The following PLD3 variants were observed in gnomAD, a reference collection of about 807,000 sequenced individuals.
PLD3 encodes phospholipase D family member 3.
PLD3 carries 31 observed loss-of-function variants against 58.4 expected under a neutral mutation model. That is an observed-to-expected ratio of 0.53 (90% CI 0.40 to 0.72). PLD3 has a LOEUF of 0.72. Among genes scored for constraint, PLD3 ranks in the 30% least tolerant of loss-of-function variants. The pLI is 0.00. For missense variants in PLD3, 595 were observed against 659.8 expected (o/e 0.90, Z 1.08); for synonymous variants, 264 against 273.4 (o/e 0.97, Z 0.34).
In PLD3 at chr19:40,376,675, G is replaced by C; in HGVS notation, c.1086G>C (p.Leu362=). The C allele has an allele frequency of 6.2e-7, 1 of 1,606,478 alleles. No individual in the cohort carries two copies. The highest frequency in any genetic ancestry group is 1.7e-5 in the Admixed American group (1 of 60,018). Residue 362 remains leucine (L), a synonymous_variant, in exon 11 of 13, where the codon CTG becomes CTC. Coordinates refer to ENST00000409735, the MANE Select transcript of PLD3 (RefSeq NM_012268.4). Reference sequence around the variant, plus strand: ...ACGAGCGTGGCGTCAAGGTGCGCCTGCTCATCAGCTGCTGGGGACACTCGG... The same window carrying C: ...ACGAGCGTGGCGTCAAGGTGCGCCTCCTCATCAGCTGCTGGGGACACTCGG... ...ATYERGVKVR[L]LISCWGHSEP... is the part of the protein sequence containing the mutation.
chr19:40,371,997 C>A, intron 9 of PLD3, 124 bp downstream of exon 9: 1 of 766,570 alleles, frequency 1.3e-6, no homozygotes, highest in Admixed American at 2.1e-5. Context: ...CACCCCAGCT[C>A]ATTCTGCTTG....
chr19:40,362,384 T>C (rs1437235100), intron 1 of PLD3, among the ~76,000 whole-genome samples: 2 of 152,214 alleles, frequency 1.3e-5, no homozygotes, highest in Non-Finnish European at 2.9e-5. Context: ...GCACTTACTG[T>C]ATTGTCTTGC....
rs183821939 is a variant in PLD3, at chr19:40,374,473, G to A, written c.880-8G>A. The A allele has an allele frequency of 7.4e-5, 120 of 1,613,818 alleles. No homozygotes were observed. The highest frequency in any genetic ancestry group is 2.7e-4 in the East Asian group (12 of 44,878). On this transcript the variant is annotated splice_region_variant and splice_polypyrimidine_tract_variant and intron_variant, in intron 9 of 12. Coordinates refer to ENST00000409735, the MANE Select transcript of PLD3 (RefSeq NM_012268.4). ...GGGCACATGTCTTAACTGTCCCCTC[G>A]CCCTCAGAGTGCGCCCCCACCCCTG...
chr19:40,359,635 C>T (rs984292228), intron 1 of PLD3: 2 of 152,106 alleles, frequency 1.3e-5, no homozygotes, highest in African/African-American at 2.4e-5. Flanking sequence ...TAGCTAGGAG[C>T]CTGAGCCTCT....
chr19:40,372,130 T>C (rs769266907), intron 9 of PLD3, among the ~76,000 whole-genome samples: 9 of 152,146 alleles, frequency 5.9e-5, no homozygotes, highest in Non-Finnish European at 8.8e-5. Context: ...ACCAAACCTT[T>C]GGTGCTCTAT....
intron 1 of PLD3, among the ~76,000 whole-genome samples, chr19:40,350,989 G>A (rs892363741): frequency 6.6e-6 from 1 of 152,110 alleles, no homozygotes; most frequent in African/African-American, 2.4e-5. Flanking sequence ...TGTGATCACA[G>A]CACTTTGGGA....
At position 40,366,839 on chromosome 19, in the gene PLD3, C is replaced by T; in HGVS notation, c.169C>T (p.Leu57=). 1 of 1,614,072 alleles carries T rather than the reference C, an allele frequency of 6.2e-7. No individual in the cohort carries two copies. The highest frequency in any genetic ancestry group is 8.5e-7 in the Non-Finnish European group (1 of 1,179,984). ...VVGFGALMTQ[L]FLWEYGDLHL... ...GGGCTTCGGAGCCCTGATGACTCAG[C>T]TGTTTCTATGGGAATACGGCGACTT... The change falls in exon 5 of 13, where the codon CTG becomes TTG. Residue 57 remains leucine, a synonymous_variant. Coordinates refer to ENST00000409735, the MANE Select transcript of PLD3 (RefSeq NM_012268.4).
At chr19:40,360,719 G>C (rs1315976724) in intron 1 of PLD3, 3 of 151,918 alleles carry the variant, frequency 2.0e-5, no homozygotes, top group Non-Finnish European at 2.9e-5. Context: ...CCAGCTTCTA[G>C]TGGCTCCAGG....
At chr19:40,376,404 G>C (rs1329564665) in intron 10 of PLD3, 2 of 538,132 alleles carry the variant, frequency 3.7e-6, no homozygotes, top group African/African-American at 3.8e-5. Context: ...GGGTTTTGGG[G>C]AGCAGGAATG....
rs1404380809 is a variant in PLD3 at position 40,370,260 on chromosome 19, T to C, written c.678+23T>C. On this transcript the variant is annotated intron_variant, in intron 8 of 12. Transcript: ENST00000409735. ...CAGGTCTGTCTGCACCCTGTCTACC[T>C]TCCTTCCAGGCCACTCCCTGCCCCA... 5 of 1,602,892 alleles carry C rather than the reference T, an allele frequency of 3.1e-6. No homozygotes were observed. The South Asian group carries it at 5.6e-5, about 18-fold the overall frequency.
chr19:40,350,706 T>C (rs1404329867), intron 1 of PLD3, among the ~76,000 whole-genome samples: 5 of 148,850 alleles, frequency 3.4e-5, no homozygotes, highest in African/African-American at 1.2e-4. Flanking sequence ...ATCGCACCAC[T>C]GCACTCCAGC....
chr19:40,356,710 A>C lies in PLD3; in HGVS notation c.-279+7942A>C, dbSNP rs141954120. ...GAAGGAGGTATCTGGGGGGCCCTGG[A>C]ACCTCTAGAGCTGGAGTCAGGGGAA... On this transcript the variant is annotated intron_variant, in intron 1 of 12. Transcript: ENST00000409735. 6.5e-3 allele frequency: 994 copies of C among 152,714 alleles called. 6 individuals are homozygous for C. Among genetic ancestry groups the C allele is most frequent in the Admixed American group, 0.01 (160 of 15,276 alleles). 9.5% of individuals were successfully genotyped at this position (152,714 alleles called of 1,614,324 possible).
chr19:40,354,745 C>T (rs959648650), intron 1 of PLD3, among the ~76,000 whole-genome samples: 5 of 151,640 alleles, frequency 3.3e-5, no homozygotes, highest in African/African-American at 1.2e-4. Flanking sequence ...AGGCTGGTCT[C>T]GAGCTCCTGA....
In PLD3 at chr19:40,370,244, C is replaced by T; in HGVS notation, c.678+7C>T. 1 of 1,609,912 alleles carries T rather than the reference C, an allele frequency of 6.2e-7. No homozygotes were observed. Among genetic ancestry groups the T allele is most frequent in the African/African-American group, 1.3e-5 (1 of 74,950 alleles). On this transcript the variant is annotated splice_region_variant and intron_variant, in intron 8 of 12. Coordinates refer to ENST00000409735, the MANE Select transcript of PLD3 (RefSeq NM_012268.4). The stretch of plus-strand genomic sequence containing the variant: ...CTGGCGTTCACTGACCCAGGTCTGT[C>T]TGCACCCTGTCTACCTTCCTTCCAG...
At chr19:40,374,838 G>A (rs1317964466) in intron 10 of PLD3, 1 of 571,152 alleles carries the variant, frequency 1.8e-6, no homozygotes, top group East Asian at 3.0e-5. Context: ...TGAGGTTTCA[G>A]GACAAGGTTT....
At chr19:40,364,520 G>A (rs1300469631) in intron 1 of PLD3, among the ~76,000 whole-genome samples, 3 of 148,556 alleles carry the variant, frequency 2.0e-5, no homozygotes, top group Non-Finnish European at 4.5e-5. Flanking sequence ...GGCTGGGCGC[G>A]GTGGCTCATG....
chr19:40,378,274 A>G lies in PLD3; in HGVS notation c.*101A>G, dbSNP rs2079296179. 1 of 1,118,098 alleles carries G rather than the reference A, an allele frequency of 8.9e-7. No homozygotes were observed. The highest frequency in any genetic ancestry group is 1.3e-6 in the Non-Finnish European group (1 of 742,614). The allele number at this position is 1,118,098 out of a possible 1,614,324, so 69.3% of individuals were successfully genotyped here. A position where few individuals can be genotyped will look rare whatever the true frequency, so the allele number is the denominator to read the frequency against. The stretch of plus-strand genomic sequence containing the variant: ...CCGCGCCCCCGCTTCTGTCTGCCCC[A>G]TTGTGGCTCCTCAGGCTCTCTCCCC... On this transcript the variant is annotated 3_prime_UTR_variant, in exon 13 of 13. Transcript: ENST00000409735.
intron 9 of PLD3, 31 bp from the exon 10 acceptor site, chr19:40,374,450 G>A (rs751066382): frequency 6.2e-7 from 1 of 1,612,446 alleles, no homozygotes; most frequent in South Asian, 1.1e-5. Flanking sequence ...CCCTGGCAGG[G>A]CACATGTCTT....
intron 9 of PLD3, among the ~76,000 whole-genome samples, chr19:40,372,908 C>T (rs183156989): frequency 1.5e-3 from 234 of 152,238 alleles, no homozygotes; most frequent in African/African-American, 5.2e-3. Flanking sequence ...ATGCAGTAGC[C>T]ACATTTCATA....
Sources: gnomAD v4.1 joint callset for allele counts (sites outside exome capture counted in the v4.1 genomes callset) on GRCh38, gnomAD v4.1.1 for gene constraint, MANE v1.5 for transcripts, NCBI Gene and HGNC (gene_info 2026-07-23, HGNC 2026-07-21) for gene names.